Variants in VARS2 observed in about 807,000 individuals in gnomAD.
VARS2 encodes valine--tRNA ligase, mitochondrial.
Under a neutral mutation model 154.1 loss-of-function variants are expected in VARS2, and 105 were observed. That is an observed-to-expected ratio of 0.68 (90% CI 0.58 to 0.80). VARS2 has a LOEUF of 0.80. Ranked by LOEUF, VARS2 falls within the 30% of genes least tolerant of loss-of-function variation. The pLI, the probability that VARS2 is intolerant of heterozygous loss-of-function variation, is 0.00. For missense variants in VARS2, 1,157 were observed against 1,361.4 expected, an observed-to-expected ratio of 0.85 and a Z score of 2.36; for synonymous variants, 483 against 539.5, an observed-to-expected ratio of 0.90 and a Z score of 1.45.
intron 4 of VARS2, 105 bp from the exon 5 acceptor site, chr6:30,915,641 C>CA: frequency 6.5e-7 from 1 of 1,546,360 alleles, no homozygotes. Context: ...CTCTTATTTG[C>CA]AGGACAGTTC....
In VARS2 at chr6:30,921,669, G is replaced by A. The variant is rs747873361; in HGVS notation, c.1713G>A (p.Gly571=). 7.5e-6 allele frequency: 12 copies of A among 1,607,226 alleles called. No individual in the cohort carries two copies. The South Asian group carries it at 1.2e-4, about 16-fold the overall frequency. Residue 571 remains glycine, a synonymous_variant, in exon 18 of 30, where the codon GGG becomes GGA. Coordinates refer to ENST00000676266, the MANE Select transcript of VARS2 (RefSeq NM_020442.6). The surrounding 1 kb of genome is among the most constrained non-coding windows in gnomAD (Gnocchi z 4.6). ...CAGCGGAACTGACAGGGAGGCCAGG[G>A]GCAGAGCTGACCCTGGAGAGGGGTG... is the stretch of plus-strand genomic sequence containing the variant. ...EVAAELTGRP[G]AELTLERDPD... is the part of the protein sequence containing the mutation.
Position 30,916,125 on chromosome 6 carries a change from G to C in VARS2, c.574-27G>C, listed in dbSNP as rs139293635. ...CAAAGCAACCAAGCAACCTGACTCT[G>C]TTCATTTGCCCTGAATCCAACTGCA... is the stretch of plus-strand genomic sequence containing the variant. On this transcript the variant is annotated intron_variant, in intron 6 of 29. Coordinates refer to ENST00000676266, the MANE Select transcript of VARS2 (RefSeq NM_020442.6). This position sits in a 1 kb window ranked among gnomAD's most constrained non-coding sequence, Gnocchi z 4.0. 17 of 1,613,756 alleles carry C rather than the reference G, an allele frequency of 1.1e-5. No individual in the cohort carries two copies. Among genetic ancestry groups the C allele is most frequent in the Non-Finnish European group, 1.0e-5 (12 of 1,179,848 alleles).
intron 20 of VARS2, 67 bp downstream of exon 20, chr6:30,922,308 C>A: frequency 6.3e-7 from 1 of 1,596,946 alleles, no homozygotes; most frequent in African/African-American, 1.3e-5. Flanking sequence ...GTCCTCCCTT[C>A]TAACCCCTAA....
Position 30,925,975 on chromosome 6 carries a change from A to G in VARS2, c.3057A>G (p.Ser1019=). 7 of 1,613,122 alleles carry G rather than the reference A, an allele frequency of 4.3e-6. No homozygotes were observed. The highest frequency in any genetic ancestry group is 5.9e-6 in the Non-Finnish European group (7 of 1,180,044). ...QLDSLTARTP[S]EGEAGTQRQQ... ...ACAGCCTCACAGCCAGGACCCCATC[A>G]GAAGGGGAGGCAGGGACTCAGAGGC... Residue 1019 remains serine (S), a synonymous_variant, in exon 29 of 30, where the codon TCA becomes TCG. Coordinates refer to ENST00000676266, the MANE Select transcript of VARS2 (RefSeq NM_020442.6).
Position 30,920,379 on chromosome 6 carries a change from G to C in VARS2, c.1340G>C (p.Ser447Thr), listed in dbSNP as rs759648085. Residue 447 changes from serine to threonine, a missense_variant, in exon 14 of 30, where the codon AGT (serine) becomes ACT (threonine). By Grantham distance (58) the Ser-to-Thr change is moderately conservative. Transcript: ENST00000676266. This position sits in a 1 kb window ranked among gnomAD's most constrained non-coding sequence, Gnocchi z 4.6. ...CGGGAAAAGATAATGTCTGTGCTGA[G>C]TGAATGGGGCCTGTTCCGGGGCCTC... ...VAREKIMSVL[S>T]EWGLFRGLQN... is the part of the protein sequence containing the mutation. 5 of 1,613,446 alleles carry C rather than the reference G, an allele frequency of 3.1e-6. No individual in the cohort carries two copies.
In VARS2 at chr6:30,916,107, A is replaced by G. The variant is rs531274603; in HGVS notation, c.574-45A>G. 1.1e-5 allele frequency: 1 copy of G among 89,062 alleles called. No homozygotes were observed. The highest frequency in any genetic ancestry group is 9.6e-5 in the African/African-American group (1 of 10,388). The allele number at this position is 89,062 out of a possible 1,614,324, so 5.5% of individuals were successfully genotyped here. ...AAAAGCAATTTCTTCCCCCAAAGCA[A>G]CCAAGCAACCTGACTCTGTTCATTT... is the stretch of plus-strand genomic sequence containing the variant. On this transcript the variant is annotated intron_variant, in intron 6 of 29. Coordinates refer to ENST00000676266, the MANE Select transcript of VARS2 (RefSeq NM_020442.6). The surrounding 1 kb of genome is among the most constrained non-coding windows in gnomAD (Gnocchi z 4.0).
Position 30,919,927 on chromosome 6 carries a change from G to A in VARS2, c.1165+79G>A. ...AGGGAACCAGGAGGAAGAGGAAGGTGGGAGTGGGAGATCCTCATATAGGGT... is the reference window on the plus strand; with the variant it reads ...AGGGAACCAGGAGGAAGAGGAAGGTAGGAGTGGGAGATCCTCATATAGGGT... On this transcript the variant is annotated intron_variant, in intron 12 of 29. Coordinates refer to ENST00000676266, the MANE Select transcript of VARS2 (RefSeq NM_020442.6). This position sits in a 1 kb window ranked among gnomAD's most constrained non-coding sequence, Gnocchi z 4.5. The A allele has an allele frequency of 6.8e-7, 1 of 1,479,172 alleles. No homozygotes were observed. Among genetic ancestry groups the A allele is most frequent in the South Asian group, 1.4e-5 (1 of 72,490 alleles). The allele number at this position is 1,479,172 out of a possible 1,614,324, so 91.6% of individuals were successfully genotyped here.
chr6:30,923,055 T>G (rs778978753), intron 23 of VARS2, 49 bp from the exon 24 acceptor site: 8 of 1,609,242 alleles, frequency 5.0e-6, no homozygotes, highest in African/African-American at 1.3e-5. Context: ...GCAGGACTTC[T>G]GGTGCTGCTG....
At chr6:30,924,015 G>T in intron 25 of VARS2, 1 of 429,830 alleles carries the variant, frequency 2.3e-6, no homozygotes, top group Non-Finnish European at 4.2e-6. Flanking sequence ...CTTGTCCCAA[G>T]TGGTGCTGCT....
At position 30,925,346 on chromosome 6, in the gene VARS2, C is replaced by G. The variant is rs767243407; in HGVS notation, c.2746C>G (p.Leu916Val). 18 of 1,612,316 alleles carry G rather than the reference C, an allele frequency of 1.1e-5. No individual in the cohort carries two copies. The highest frequency in any genetic ancestry group is 1.5e-5 in the Non-Finnish European group (18 of 1,179,602). The part of the protein sequence containing the change: ...VQEVVQVLRA[L>V]RATYQLTKAR... ...AGAGGTCGTGCAGGTGCTAAGGGCT[C>G]TCCGAGCCACGTACCAGCTCACCAA... The change falls in exon 27 of 30, where the codon CTC becomes GTC. Residue 916 changes from leucine to valine, a missense_variant. By Grantham distance (32) the Leu-to-Val change is conservative. Transcript: ENST00000676266.
In VARS2 at chr6:30,919,732, C is replaced by A. The variant is rs1357282457; in HGVS notation, c.1075-26C>A. The A allele has an allele frequency of 6.5e-7, 1 of 1,527,410 alleles. No individual in the cohort carries two copies. The highest frequency in any genetic ancestry group is 2.3e-5 in the East Asian group (1 of 42,888). The allele number at this position is 1,527,410 out of a possible 1,614,324, so 94.6% of individuals were successfully genotyped here. ...CCTTCCAACCCTCACAGGTGCCTGT[C>A]CTTGATCCCTCTCCCTTCCCTTCAG... On this transcript the variant is annotated intron_variant, in intron 11 of 29. Transcript: ENST00000676266. This position sits in a 1 kb window ranked among gnomAD's most constrained non-coding sequence, Gnocchi z 4.5.
chr6:30,925,033 T>G (rs996751526), intron 26 of VARS2, among the ~76,000 whole-genome samples: 2 of 152,226 alleles, frequency 1.3e-5, no homozygotes, highest in African/African-American at 4.8e-5. Context: ...TCTAATTTAT[T>G]TTTGGTTGGC....
At chr6:30,915,900 G>A (rs758105967) in intron 5 of VARS2, 33 bp downstream of exon 5, 14 of 1,613,804 alleles carry the variant, frequency 8.7e-6, no homozygotes, top group Non-Finnish European at 1.0e-5. Context: ...TTGAGTTCTT[G>A]GAAGGGAAAT....
rs1052857873 is a variant in VARS2, at chr6:30,914,280, G to C, written c.-92G>C. ...GGCTCCAGGGCCACGTTCCAGGGTC[G>C]GGTTTGGTGGATTCCTCAGTCCCTG... is the stretch of plus-strand genomic sequence containing the variant. On this transcript the variant is annotated 5_prime_UTR_variant, in exon 1 of 30. Coordinates refer to ENST00000676266, the MANE Select transcript of VARS2 (RefSeq NM_020442.6). 6.4e-6 allele frequency: 6 copies of C among 941,084 alleles called. No homozygotes were observed. The African/African-American group carries it at 1.0e-4, about 16-fold the overall frequency. 58.3% of individuals were successfully genotyped at this position (941,084 alleles called of 1,614,324 possible).
Position 30,925,572 on chromosome 6 carries a change from C to A in VARS2, c.2814C>A (p.Asp938Glu), listed in dbSNP as rs754896373. ...RVLLQSSEPGDQGLFEAFLEP... is the reference protein window; with the variant it reads ...RVLLQSSEPGEQGLFEAFLEP... The stretch of plus-strand genomic sequence containing the variant: ...TGCTGCAGAGCTCAGAGCCTGGGGA[C>A]CAGGGCCTCTTCGAGGCCTTCTTGG... Residue 938 changes from aspartate (D) to glutamate (E), a missense_variant, in exon 28 of 30, where the codon GAC (aspartate) becomes GAA (glutamate). By Grantham distance (45) the Asp-to-Glu change is conservative. Coordinates refer to ENST00000676266, the MANE Select transcript of VARS2 (RefSeq NM_020442.6). The A allele has an allele frequency of 6.2e-7, 1 of 1,603,942 alleles. No individual in the cohort carries two copies. Among genetic ancestry groups the A allele is most frequent in the East Asian group, 2.2e-5 (1 of 44,840 alleles).
At position 30,922,846 on chromosome 6, in the gene VARS2, G is replaced by C. The variant is rs1794613744; in HGVS notation, c.2107-52G>C. On this transcript the variant is annotated intron_variant, in intron 22 of 29. Coordinates refer to ENST00000676266, the MANE Select transcript of VARS2 (RefSeq NM_020442.6). ...TGGCTTCCTCTGCAACCCAGGTCCTGGCCCTGCAGCCACAAAGGCATCTGC... is the reference window on the plus strand; with the variant it reads ...TGGCTTCCTCTGCAACCCAGGTCCTCGCCCTGCAGCCACAAAGGCATCTGC... 1.2e-5 allele frequency: 19 copies of C among 1,580,998 alleles called. No individual in the cohort carries two copies. The South Asian group carries it at 2.2e-4, about 18-fold the overall frequency.
Sources: gnomAD v4.1 joint callset for allele counts (sites outside exome capture counted in the v4.1 genomes callset) on GRCh38, gnomAD v4.1.1 for gene constraint, Gnocchi (gnomAD v3.1) non-coding constraint, MANE v1.5 for transcripts, NCBI Gene and HGNC (gene_info 2026-07-23, HGNC 2026-07-21) for gene names.